SH3RF3: variants seen among roughly 807,000 people sequenced by gnomAD.
SH3RF3 encodes E3 ubiquitin-protein ligase SH3RF3.
SH3RF3 carries 29 observed loss-of-function variants against 66.3 expected under a neutral mutation model. The observed-to-expected ratio is 0.44, with a 90% confidence interval of 0.33 to 0.60. SH3RF3 has a LOEUF of 0.60. SH3RF3 is among the 20% of genes least tolerant of loss of function. SH3RF3 has a pLI of 0.04. For missense variants in SH3RF3, 1,194 were observed against 1,190.9 expected (o/e 1.00, Z -0.04); for synonymous variants, 583 against 532.0 (o/e 1.10, Z -1.32).
chr2:109,477,790 A>G (rs549610813), intron 8 of SH3RF3, among the ~76,000 whole-genome samples: 27 of 152,282 alleles, frequency 1.8e-4, no homozygotes, highest in Middle Eastern at 3.4e-3. Context: ...CACGTGGTCA[A>G]TAGGGCAAGG....
chr2:109,178,238 A>C (rs1677973414), intron 1 of SH3RF3, among the ~76,000 whole-genome samples: 2 of 152,184 alleles, frequency 1.3e-5, no homozygotes, highest in Non-Finnish European at 2.9e-5. Flanking sequence ...ATATTCTATA[A>C]ATTTCAGGAA....
intron 1 of SH3RF3, among the ~76,000 whole-genome samples, chr2:109,181,560 C>T (rs995867328): frequency 6.6e-6 from 1 of 152,206 alleles, no homozygotes; most frequent in Non-Finnish European, 1.5e-5. Context: ...CCATGCCACA[C>T]TCCTACTTTC....
At chr2:109,429,833 C>T (rs1677142593) in intron 5 of SH3RF3, among the ~76,000 whole-genome samples, 1 of 152,214 alleles carries the variant, frequency 6.6e-6, no homozygotes, top group African/African-American at 2.4e-5. Flanking sequence ...AGAGGTAGCC[C>T]TGCTAGGGGT....
At chr2:109,403,340 C>T (rs1224785472) in intron 4 of SH3RF3, among the ~76,000 whole-genome samples, 1 of 152,204 alleles carries the variant, frequency 6.6e-6, no homozygotes, top group African/African-American at 2.4e-5. Flanking sequence ...TGGCTTGCAT[C>T]ACTTCTCAGC....
rs11886748 is a variant in SH3RF3 at position 109,447,203 on chromosome 2, A to C, written c.1829-1967A>C. 3.4e-3 allele frequency among the ~76,000 whole-genome samples: 521 copies of C among 151,630 alleles called. 3 individuals are homozygous for C. Among genetic ancestry groups the C allele is most frequent in the African/African-American group, 0.011 (464 of 41,352 alleles). On this transcript the variant is annotated intron_variant, in intron 7 of 9. Transcript: ENST00000309415. ...AAGAAAAAGAAAACAGAAAAAAAAAACCCACATAAATCAGCCTTTCTGTAT... is the reference window on the plus strand; with the variant it reads ...AAGAAAAAGAAAACAGAAAAAAAAACCCCACATAAATCAGCCTTTCTGTAT...
chr2:109,344,326 C>G (rs1390449228), intron 1 of SH3RF3, among the ~76,000 whole-genome samples: 1 of 152,072 alleles, frequency 6.6e-6, no homozygotes, highest in Non-Finnish European at 1.5e-5. Context: ...GACGGGGGAG[C>G]AGTGTGGATT....
rs542382861 is a variant in SH3RF3, at chr2:109,388,859, G to A, written c.946-9731G>A. On this transcript the variant is annotated intron_variant, in intron 3 of 9. Transcript: ENST00000309415. Reference sequence around the variant, plus strand: ...CTAGAGAGAAGGGGGTATAGAGACGGGAGGGAAGGAGGAAATGCTTGCCAC... The same window carrying A: ...CTAGAGAGAAGGGGGTATAGAGACGAGAGGGAAGGAGGAAATGCTTGCCAC... Among the ~76,000 whole-genome samples the A allele has an allele frequency of 2.2e-4, 34 of 152,272 alleles. No homozygotes were observed. The South Asian group carries it at 7.0e-3, about 32-fold the overall frequency.
At chr2:109,132,233 T>C (rs1036345800) in intron 1 of SH3RF3, among the ~76,000 whole-genome samples, 5 of 152,220 alleles carry the variant, frequency 3.3e-5, no homozygotes, top group African/African-American at 1.2e-4. Flanking sequence ...ACATCTTCTT[T>C]TGGGCCAATT....
chr2:109,495,101 G>A (rs749738636), intron 9 of SH3RF3, among the ~76,000 whole-genome samples: 14 of 152,190 alleles, frequency 9.2e-5, no homozygotes, highest in African/African-American at 1.7e-4. Context: ...GCCATGCCCC[G>A]TTCCTTCCAA....
chr2:109,500,082 C>T (rs9711184), intron 9 of SH3RF3, among the ~76,000 whole-genome samples: 33,277 of 152,048 alleles, frequency 0.22, 3,716 homozygotes, highest in Admixed American at 0.26. Context: ...GTGTGGCTGT[C>T]CTCAGGTGTG....
intron 2 of SH3RF3, among the ~76,000 whole-genome samples, chr2:109,364,888 C>T (rs1038937675): frequency 6.6e-6 from 1 of 152,104 alleles, no homozygotes; most frequent in African/African-American, 2.4e-5. Context: ...GTCAGGAGTT[C>T]GAGACCAGCC....
At chr2:109,160,328 C>T (rs1381403976) in intron 1 of SH3RF3, among the ~76,000 whole-genome samples, 1 of 152,186 alleles carries the variant, frequency 6.6e-6, no homozygotes, top group Non-Finnish European at 1.5e-5. Context: ...TGGGGTGCAG[C>T]CCATGCTTTG....
At chr2:109,142,276 A>G (rs988068291) in intron 1 of SH3RF3, among the ~76,000 whole-genome samples, 1 of 151,786 alleles carries the variant, frequency 6.6e-6, no homozygotes. Context: ...CATCCCTTCC[A>G]TTGGTGTTCT....
At chr2:109,281,812 G>A (rs1680900076) in intron 1 of SH3RF3, among the ~76,000 whole-genome samples, 1 of 152,158 alleles carries the variant, frequency 6.6e-6, no homozygotes, top group Non-Finnish European at 1.5e-5. Flanking sequence ...ACTGTCGGGG[G>A]CACGCTGACC....
At chr2:109,294,405 AC>A (rs1161755446) in intron 1 of SH3RF3, among the ~76,000 whole-genome samples, 2 of 151,936 alleles carry the variant, frequency 1.3e-5, no homozygotes, top group African/African-American at 4.8e-5. Flanking sequence ...TACTAAAAAT[AC>A]AAAAATTAGC....
intron 9 of SH3RF3, among the ~76,000 whole-genome samples, chr2:109,491,870 G>A (rs143668547): frequency 1.2e-3 from 186 of 152,322 alleles, no homozygotes; most frequent in African/African-American, 4.4e-3. Flanking sequence ...CCTGCAACCC[G>A]GGAAGGCAGC....
chr2:109,466,434 G>A (rs1230280388), intron 8 of SH3RF3, among the ~76,000 whole-genome samples: 1 of 151,892 alleles, frequency 6.6e-6, no homozygotes, highest in African/African-American at 2.4e-5. Flanking sequence ...TTTTTAATTG[G>A]GTTGTTTGTT....
intron 4 of SH3RF3, among the ~76,000 whole-genome samples, chr2:109,400,211 C>T (rs931245618): frequency 3.9e-5 from 6 of 152,210 alleles, no homozygotes; most frequent in African/African-American, 7.2e-5. Flanking sequence ...CCTACACACA[C>T]TTGCACACAT....
chr2:109,298,002 G>A (rs1372174537), intron 1 of SH3RF3, among the ~76,000 whole-genome samples: 1 of 152,188 alleles, frequency 6.6e-6, no homozygotes, highest in African/African-American at 2.4e-5. Context: ...TTGCGCCTCA[G>A]CTGGTGACAG....
Sources: allele counts gnomAD v4.1 joint callset (sites outside exome capture counted in the v4.1 genomes callset), GRCh38; gene constraint gnomAD v4.1.1; transcripts MANE v1.5; gene names NCBI Gene and HGNC (gene_info 2026-07-23, HGNC 2026-07-21).